MED17: variants seen among roughly 807,000 people sequenced by gnomAD.
The protein encoded by MED17 is mediator of RNA polymerase II transcription subunit 17.
A neutral mutation model predicts 80.8 loss-of-function variants in MED17; 49 were observed. The observed-to-expected ratio is 0.61, with a 90% CI of 0.48 to 0.77. MED17 has a LOEUF of 0.77. Among genes scored for constraint, MED17 ranks in the 30% least tolerant of loss-of-function variants. The pLI, the probability that MED17 is intolerant of heterozygous loss-of-function variation, is 0.00. For synonymous variants in MED17, 281 were observed against 280.4 expected (o/e 1.00, Z -0.02); for missense variants, 718 against 787.0 (o/e 0.91, Z 1.05).
intron 8 of MED17, 117 bp from the exon 9 acceptor site, chr11:93,801,718 A>G: frequency 1.1e-6 from 1 of 926,646 alleles, no homozygotes; most frequent in Non-Finnish European, 1.7e-6. Context: ...GCCTACACAT[A>G]GTGGTAGTTT....
chr11:93,794,750 A>G, intron 5 of MED17, 158 bp from the exon 6 acceptor site: 3 of 766,962 alleles, frequency 3.9e-6, no homozygotes, highest in Non-Finnish European at 6.2e-6. Context: ...GGCATTGGCA[A>G]TTTTTGACAG....
chr11:93,792,470 G>A (rs1943847331), intron 3 of MED17, among the ~76,000 whole-genome samples: 2 of 152,056 alleles, frequency 1.3e-5, no homozygotes, highest in Admixed American at 1.3e-4. Flanking sequence ...TCTTTCTTTG[G>A]GGTAGTCACT....
Position 93,794,041 on chromosome 11 carries a change from GT to G in MED17, c.859+8del. On this transcript the variant is annotated splice_region_variant and intron_variant, in intron 5 of 11. Transcript: ENST00000251871. ...TTTGCCCAAATCCAAACCAGGTATG[GT>G]TATGTTCTATTCTCTAATTTCTGGT... The G allele has an allele frequency of 6.2e-7, 1 of 1,608,288 alleles. No homozygotes were observed. The highest frequency in any genetic ancestry group is 8.5e-7 in the Non-Finnish European group (1 of 1,174,852).
At chr11:93,808,791 A>T (rs1383724444) in intron 10 of MED17, 1 of 152,132 alleles carries the variant, frequency 6.6e-6, no homozygotes, top group Non-Finnish European at 1.5e-5. Flanking sequence ...AACACTATTG[A>T]GTAGGTCCCA....
intron 1 of MED17, among the ~76,000 whole-genome samples, chr11:93,787,418 GA>G (rs557236289): frequency 5.5e-5 from 8 of 144,432 alleles, no homozygotes; most frequent in Non-Finnish European, 9.2e-5. Flanking sequence ...GTCTCAAAAA[GA>G]AAAAAAAAAG....
chr11:93,795,056 T>G lies in MED17; in HGVS notation c.1008T>G (p.Phe336Leu). ...VVKNQIISQP[F>L]PSLQLSISLC... ...AAAACCAGATTATCTCTCAGCCCTT[T>G]CCGAGTAAGAGCAGCCCTTTTTCGA... Residue 336 changes from phenylalanine to leucine, a missense_variant, in exon 6 of 12, where the codon TTT becomes TTG. By Grantham distance (22) the Phe-to-Leu change is conservative. Transcript: ENST00000251871. 6.2e-7 allele frequency: 1 copy of G among 1,614,172 alleles called. No homozygotes were observed.
chr11:93,796,309 A>G (rs1485678646), intron 6 of MED17, 101 bp from the exon 7 acceptor site: 3 of 1,135,610 alleles, frequency 2.6e-6, no homozygotes, highest in South Asian at 2.5e-5. Context: ...AGTTTAGAAT[A>G]TATCTTTTGA....
At chr11:93,809,556 C>T (rs113121172) in intron 10 of MED17, 161 bp from the exon 11 acceptor site, 6 of 733,966 alleles carry the variant, frequency 8.2e-6, no homozygotes, top group African/African-American at 5.2e-5. Flanking sequence ...GAGTCCTATT[C>T]CCTCCCCCTA....
intron 1 of MED17, among the ~76,000 whole-genome samples, chr11:93,786,505 C>T (rs1395456590): frequency 2.7e-5 from 4 of 150,488 alleles, no homozygotes; most frequent in African/African-American, 7.3e-5. Flanking sequence ...CTTGCTCTGT[C>T]GGCCAGGCTG....
At chr11:93,793,004 A>C (rs1943854743) in intron 3 of MED17, among the ~76,000 whole-genome samples, 1 of 151,240 alleles carries the variant, frequency 6.6e-6, no homozygotes. Context: ...TATGTGCACT[A>C]TCCTCTGTCT....
rs1943753583 is a variant in MED17, at chr11:93,784,968, C to T, written c.250+205C>T. The T allele has an allele frequency of 5.7e-6, 4 of 701,086 alleles. No individual in the cohort carries two copies. The East Asian group carries it at 1.1e-4, about 19-fold the overall frequency. The allele number at this position is 701,086 out of a possible 1,614,324, so 43.4% of individuals were successfully genotyped here. A position where few individuals can be genotyped will look rare whatever the true frequency, so the allele number is the denominator to read the frequency against. ...GACTTTACGTAATACTCCTGCGGGTCTCCTTGAATGGCAGCGTTTAGAGAC... is the reference window on the plus strand; with the variant it reads ...GACTTTACGTAATACTCCTGCGGGTTTCCTTGAATGGCAGCGTTTAGAGAC... On this transcript the variant is annotated intron_variant, in intron 1 of 11. Transcript: ENST00000251871.
At chr11:93,801,660 G>A in intron 8 of MED17, 175 bp from the exon 9 acceptor site, 1 of 599,250 alleles carries the variant, frequency 1.7e-6, no homozygotes, top group Non-Finnish European at 3.0e-6. Context: ...ACACATTCAA[G>A]CAGTATGAAA....
rs562998819 is a variant in MED17 at position 93,788,259 on chromosome 11, C to T, written c.417+92C>T. 9.5e-5 allele frequency: 105 copies of T among 1,107,232 alleles called. No individual in the cohort carries two copies. In the East Asian group the frequency reaches 2.3e-3, roughly 25 times the overall value. 68.6% of individuals were successfully genotyped at this position (1,107,232 alleles called of 1,614,324 possible). Reference sequence around the variant, plus strand: ...TGTGCCTGTTGTTCCATTTTCCTTTCTTGCAAAATTAAGTCCAGATGAAGA... The same window carrying T: ...TGTGCCTGTTGTTCCATTTTCCTTTTTTGCAAAATTAAGTCCAGATGAAGA... On this transcript the variant is annotated intron_variant, in intron 2 of 11. Transcript: ENST00000251871.
At chr11:93,793,545 C>T (rs1943865307) in intron 3 of MED17, 183 bp from the exon 4 acceptor site, 1 of 567,088 alleles carries the variant, frequency 1.8e-6, no homozygotes. Flanking sequence ...TAACCACCCC[C>T]CACCTTTATC....
chr11:93,811,787 G>A, intron 11 of MED17, 66 bp from the exon 12 acceptor site: 1 of 1,360,174 alleles, frequency 7.4e-7, no homozygotes, highest in Non-Finnish European at 1.1e-6. Context: ...GGAGTTGTGG[G>A]ATTTATCCTT....
chr11:93,794,204 T>TG (rs1314891902), intron 5 of MED17, 169 bp downstream of exon 5: 11 of 478,356 alleles, frequency 2.3e-5, no homozygotes, highest in African/African-American at 2.2e-4. Context: ...GTGCAATTTT[T>TG]TTTTTTTTTT....
Position 93,812,197 on chromosome 11 carries a change from A to C in MED17, c.*133A>C, listed in dbSNP as rs765445302. The C allele has an allele frequency of 1.2e-6, 1 of 804,420 alleles. No homozygotes were observed. Among genetic ancestry groups the C allele is most frequent in the Non-Finnish European group, 2.0e-6 (1 of 491,546 alleles). The allele number at this position is 804,420 out of a possible 1,614,324, so 49.8% of individuals were successfully genotyped here. A position where few individuals can be genotyped will look rare whatever the true frequency, so the allele number is the denominator to read the frequency against. ...TAAAAATAATAATTAGGAAATGTTT[A>C]TTTAGCACTTTCAAACTTTTCACTT... On this transcript the variant is annotated 3_prime_UTR_variant, in exon 12 of 12. Transcript: ENST00000251871.
chr11:93,804,670 C>G (rs1944005770), intron 9 of MED17, among the ~76,000 whole-genome samples: 1 of 152,136 alleles, frequency 6.6e-6, no homozygotes, highest in Non-Finnish European at 1.5e-5. Flanking sequence ...TGTATGCTTT[C>G]TAGCAACATA....
In MED17 at chr11:93,812,456, T is replaced by TTTTTTTTTTTTTA. The variant is rs1170939835; in HGVS notation, c.*392_*393insTTTTTTTTTTTTA. 7.8e-6 allele frequency: 3 copies of TTTTTTTTTTTTTA among 387,092 alleles called. No individual in the cohort carries two copies. The highest frequency in any genetic ancestry group is 6.3e-5 in the African/African-American group (3 of 47,994). The allele number at this position is 387,092 out of a possible 1,614,324, so 24.0% of individuals were successfully genotyped here. A position where few individuals can be genotyped will look rare whatever the true frequency, so the allele number is the denominator to read the frequency against. On this transcript the variant is annotated 3_prime_UTR_variant, in exon 12 of 12. Transcript: ENST00000251871. ...AAATACTTTCTAAACTTTTTTTTTT[T>TTTTTTTTTTTTTA]GAGATGGTATCTCACTCTGTAGCCC...
Sources: gnomAD v4.1 joint callset for allele counts (sites outside exome capture counted in the v4.1 genomes callset) on GRCh38, gnomAD v4.1.1 for gene constraint, MANE v1.5 for transcripts, NCBI Gene and HGNC (gene_info 2026-07-23, HGNC 2026-07-21) for gene names.